Variants in SNAP23 observed in about 807,000 individuals in gnomAD.
SNAP23 encodes the protein synaptosomal-associated protein 23.
SNAP23 carries 11 observed loss-of-function variants against 29.0 expected under a neutral mutation model. The observed-to-expected ratio is 0.38, with a 90% confidence interval of 0.24 to 0.63. The LOEUF is 0.63. Ranked by LOEUF, SNAP23 falls within the 20% of genes least tolerant of loss-of-function variation. SNAP23 has a pLI of 0.58. For missense variants in SNAP23, 220 were observed against 253.9 expected (o/e 0.87, Z 0.91); for synonymous variants, 60 against 82.9 (o/e 0.72, Z 1.50).
At chr15:42,522,693 A>G (rs533909657) in intron 5 of SNAP23, among the ~76,000 whole-genome samples, 1 of 148,944 alleles carries the variant, frequency 6.7e-6, no homozygotes, top group East Asian at 1.9e-4. Flanking sequence ...TTCAGTTAAA[A>G]CTAATATTGA....
At chr15:42,505,603 TG>T (rs899183088) in intron 1 of SNAP23, 3 of 149,416 alleles carry the variant, frequency 2.0e-5, no homozygotes, top group African/African-American at 7.4e-5. Flanking sequence ...TTGCCCAGGC[TG>T]AAGTACAGTG....
chr15:42,527,134 G>T (rs1219553721), intron 5 of SNAP23, among the ~76,000 whole-genome samples: 1 of 151,982 alleles, frequency 6.6e-6, no homozygotes, highest in Non-Finnish European at 1.5e-5. Flanking sequence ...TACTGTGCCC[G>T]GCCTTGATCG....
chr15:42,505,919 C>CTTTCT (rs948317104), intron 1 of SNAP23, among the ~76,000 whole-genome samples: 2 of 150,558 alleles, frequency 1.3e-5, no homozygotes, highest in Admixed American at 6.7e-5. Context: ...TCTTTTCCTT[C>CTTTCT]TTTCTTTTCT....
intron 1 of SNAP23, among the ~76,000 whole-genome samples, chr15:42,500,217 A>G (rs1331064673): frequency 7.9e-6 from 1 of 126,658 alleles, no homozygotes; most frequent in Non-Finnish European, 1.5e-5. Flanking sequence ...CACTCTGGAC[A>G]TCTGTTTTTG....
At chr15:42,529,326 C>T (rs757278503) in intron 6 of SNAP23, among the ~76,000 whole-genome samples, 35 of 152,082 alleles carry the variant, frequency 2.3e-4, no homozygotes, top group Non-Finnish European at 4.7e-4. Context: ...CTTATTAAAC[C>T]GTAGGTTTCT....
At chr15:42,511,971 C>T in intron 2 of SNAP23, 68 bp downstream of exon 2, 1 of 1,054,292 alleles carries the variant, frequency 9.5e-7, no homozygotes, top group Non-Finnish European at 1.4e-6. Context: ...GTGAGAGAGC[C>T]TTCTTAGGGA....
intron 5 of SNAP23, 131 bp downstream of exon 5, chr15:42,515,485 T>G (rs1386503128): frequency 1.6e-6 from 1 of 612,362 alleles, no homozygotes; most frequent in African/African-American, 1.9e-5. Context: ...TGTCTCTCCT[T>G]CAGGCAGATT....
intron 5 of SNAP23, chr15:42,521,415 TTAAA>T (rs1360953242): frequency 1.0e-6 from 1 of 969,720 alleles, no homozygotes. Context: ...GTGCTCTGGT[TTAAA>T]TAGTTTTCTT....
At position 42,517,099 on chromosome 15, in the gene SNAP23, T is replaced by A. The variant is rs532455757; in HGVS notation, c.266+1745T>A. 2.0e-5 allele frequency among the ~76,000 whole-genome samples: 3 copies of A among 152,304 alleles called. No homozygotes were observed. In the South Asian group the frequency reaches 6.2e-4, roughly 32 times the overall value. ...CATACTCAGCTAATTTTTATATTTTTAGTAGAGACAGGGTTTCGCCGTGTT... is the reference window on the plus strand; with the variant it reads ...CATACTCAGCTAATTTTTATATTTTAAGTAGAGACAGGGTTTCGCCGTGTT... On this transcript the variant is annotated intron_variant, in intron 5 of 7. Transcript: ENST00000249647.
At chr15:42,502,827 T>A (rs780664880) in intron 1 of SNAP23, among the ~76,000 whole-genome samples, 1 of 152,160 alleles carries the variant, frequency 6.6e-6, no homozygotes, top group African/African-American at 2.4e-5. Flanking sequence ...TACATCTACC[T>A]CCCCAGTATT....
chr15:42,528,620 GTGT>G (rs1483831555), intron 6 of SNAP23, among the ~76,000 whole-genome samples, 200 bp downstream of exon 6: 1 of 152,116 alleles, frequency 6.6e-6, no homozygotes. Context: ...GAGTCTTGCT[GTGT>G]TGCCCAGGCT....
upstream of SNAP23, chr15:42,491,576 T>G (rs2057164313): frequency 6.6e-6 from 1 of 152,232 alleles, no homozygotes; most frequent in Non-Finnish European, 1.5e-5. Flanking sequence ...TTTGGGTAAA[T>G]TACAATTCTT....
intron 2 of SNAP23, chr15:42,512,117 A>G: frequency 3.1e-6 from 1 of 318,036 alleles, no homozygotes; most frequent in Non-Finnish European, 5.8e-6. Flanking sequence ...TTTTTTAGGT[A>G]ATTATTAATA....
intron 1 of SNAP23, among the ~76,000 whole-genome samples, chr15:42,504,881 T>G (rs1167709747): frequency 6.6e-6 from 1 of 152,192 alleles, no homozygotes; most frequent in African/African-American, 2.4e-5. Flanking sequence ...GGACGTAGAC[T>G]TCTATCAAGC....
chr15:42,507,349 T>G (rs976214305), intron 1 of SNAP23, among the ~76,000 whole-genome samples: 1 of 152,108 alleles, frequency 6.6e-6, no homozygotes, highest in African/African-American at 2.4e-5. Context: ...CCTGCCTAGG[T>G]TTAAATTAGA....
chr15:42,504,156 C>A (rs1188724445), intron 1 of SNAP23, among the ~76,000 whole-genome samples: 1 of 150,938 alleles, frequency 6.6e-6, no homozygotes, highest in Non-Finnish European at 1.5e-5. Context: ...ATAGTGAGAC[C>A]CTGCCTCTAC....
chr15:42,500,356 G>A (rs1213283124), intron 1 of SNAP23, among the ~76,000 whole-genome samples: 1 of 151,416 alleles, frequency 6.6e-6, no homozygotes, highest in East Asian at 1.9e-4. Context: ...GTTGACAGAC[G>A]GGCAGATGAC....
chr15:42,522,462 TTA>T (rs1252776672), intron 5 of SNAP23, among the ~76,000 whole-genome samples: 1 of 152,126 alleles, frequency 6.6e-6, no homozygotes, highest in African/African-American at 2.4e-5. Flanking sequence ...GTTTAGATCT[TTA>T]TGAGAATTAT....
chr15:42,515,974 G>T (rs2057393688), intron 5 of SNAP23, among the ~76,000 whole-genome samples: 1 of 152,124 alleles, frequency 6.6e-6, no homozygotes, highest in Admixed American at 6.6e-5. Flanking sequence ...CCTATGAAAG[G>T]TTCAAAATAA....
Sources: allele counts gnomAD v4.1 joint callset (sites outside exome capture counted in the v4.1 genomes callset), GRCh38; gene constraint gnomAD v4.1.1; transcripts MANE v1.5; gene names NCBI Gene and HGNC (gene_info 2026-07-23, HGNC 2026-07-21).